The following PSMD14 variants were observed in gnomAD, a reference collection of about 807,000 sequenced individuals.
PSMD14 encodes ubiquitin C-terminal hydrolase PSMD14.
PSMD14 carries 7 observed loss-of-function variants against 41.2 expected under a neutral mutation model. The observed-to-expected ratio is 0.17, with a 90% CI of 0.10 to 0.32. The LOEUF is 0.32. Ranked by LOEUF, PSMD14 falls within the 10% of genes least tolerant of loss-of-function variation. PSMD14 has a pLI of 1.00. For missense variants in PSMD14, 139 were observed against 375.6 expected (o/e 0.37, Z 5.21); for synonymous variants, 114 against 122.3 (o/e 0.93, Z 0.45).
chr2:161,335,355 T>G (rs1162973255), intron 3 of PSMD14, among the ~76,000 whole-genome samples: 1 of 152,236 alleles, frequency 6.6e-6, no homozygotes, highest in African/African-American at 2.4e-5. Context: ...ATGGCAGCCA[T>G]TAGCCACATA....
intron 3 of PSMD14, among the ~76,000 whole-genome samples, chr2:161,366,387 A>AACACACAC (rs36202166): frequency 1.3e-5 from 2 of 148,508 alleles, no homozygotes; most frequent in African/African-American, 4.9e-5. Flanking sequence ...AATAGAATTT[A>AACACACAC]ACACACACAC....
At chr2:161,371,657 A>G (rs1243320036) in intron 7 of PSMD14, among the ~76,000 whole-genome samples, 1 of 152,066 alleles carries the variant, frequency 6.6e-6, no homozygotes, top group East Asian at 1.9e-4. Context: ...CTTTACCTTT[A>G]TTTTCAAATG....
chr2:161,365,167 C>T (rs1025410571), intron 3 of PSMD14, among the ~76,000 whole-genome samples: 8 of 152,282 alleles, frequency 5.3e-5, no homozygotes, highest in African/African-American at 1.7e-4. Flanking sequence ...TCTCTTAGTA[C>T]ATGGCTTTCT....
chr2:161,373,252 AATC>A (rs1683463470), intron 7 of PSMD14, among the ~76,000 whole-genome samples: 1 of 151,848 alleles, frequency 6.6e-6, no homozygotes. Flanking sequence ...AAATTTATGA[AATC>A]ATATGTATCA....
intron 3 of PSMD14, among the ~76,000 whole-genome samples, chr2:161,354,120 C>A (rs7349280): frequency 6.6e-6 from 1 of 151,920 alleles, no homozygotes; most frequent in African/African-American, 2.4e-5. Context: ...TGTTATGAGA[C>A]GTTCAGGTTC....
chr2:161,409,136 C>A (rs1008812900), intron 11 of PSMD14, among the ~76,000 whole-genome samples: 2 of 151,856 alleles, frequency 1.3e-5, no homozygotes, highest in Admixed American at 6.6e-5. Flanking sequence ...TTACTAGGAA[C>A]AAATTAGGAC....
intron 3 of PSMD14, among the ~76,000 whole-genome samples, chr2:161,319,453 A>G (rs925076700): frequency 7.2e-5 from 11 of 152,030 alleles, no homozygotes; most frequent in Admixed American, 6.6e-4. Context: ...TGTTGGGCAA[A>G]TGACCTCTAG....
intron 3 of PSMD14, among the ~76,000 whole-genome samples, chr2:161,335,352 C>T (rs890854607): frequency 1.3e-5 from 2 of 152,192 alleles, no homozygotes; most frequent in East Asian, 3.9e-4. Flanking sequence ...AGTATGGCAG[C>T]CATTAGCCAC....
chr2:161,376,781 CTTT>C (rs1683508805), intron 7 of PSMD14, among the ~76,000 whole-genome samples: 1 of 151,870 alleles, frequency 6.6e-6, no homozygotes, highest in East Asian at 1.9e-4. Context: ...ACTGAGACTT[CTTT>C]GAGGAGAGAT....
At chr2:161,319,846 A>G (rs1689184266) in intron 3 of PSMD14, among the ~76,000 whole-genome samples, 1 of 152,148 alleles carries the variant, frequency 6.6e-6, no homozygotes, top group South Asian at 2.1e-4. Context: ...ATCATGGTTT[A>G]TGACTTTTAT....
At chr2:161,389,397 A>G (rs1338472928) in intron 8 of PSMD14, among the ~76,000 whole-genome samples, 1 of 152,182 alleles carries the variant, frequency 6.6e-6, no homozygotes, top group Non-Finnish European at 1.5e-5. Context: ...CCTAATGTAC[A>G]CGAATATGAG....
At chr2:161,397,902 C>T (rs1327124741) in intron 10 of PSMD14, among the ~76,000 whole-genome samples, 1 of 152,102 alleles carries the variant, frequency 6.6e-6, no homozygotes, top group Non-Finnish European at 1.5e-5. Flanking sequence ...AAATCGCTCA[C>T]CGTATTTTAA....
At chr2:161,366,343 A>G (rs1442720282) in intron 3 of PSMD14, among the ~76,000 whole-genome samples, 1 of 151,940 alleles carries the variant, frequency 6.6e-6, no homozygotes, top group Non-Finnish European at 1.5e-5. Context: ...TAATGCTTCC[A>G]GTAAATATAT....
chr2:161,410,932 A>G (rs1227262603), intron 11 of PSMD14, among the ~76,000 whole-genome samples: 3 of 152,114 alleles, frequency 2.0e-5, no homozygotes, highest in Non-Finnish European at 2.9e-5. Flanking sequence ...GACATTCAAG[A>G]TATATGAACG....
intron 3 of PSMD14, among the ~76,000 whole-genome samples, chr2:161,352,278 TAAATC>T (rs1285386694): frequency 2.0e-5 from 3 of 152,188 alleles, no homozygotes; most frequent in African/African-American, 7.2e-5. Context: ...CCAGAGCAAT[TAAATC>T]AGAGTCTCTG....
At chr2:161,321,173 C>T (rs2105231729) in intron 3 of PSMD14, among the ~76,000 whole-genome samples, 1 of 152,282 alleles carries the variant, frequency 6.6e-6, no homozygotes, top group Admixed American at 6.5e-5. Flanking sequence ...GTTATCTTAC[C>T]ATTTAATGGA....
intron 7 of PSMD14, chr2:161,384,123 T>G (rs1437443482): frequency 2.0e-5 from 3 of 151,706 alleles, no homozygotes; most frequent in Admixed American, 1.3e-4. Context: ...CTGGGGATAC[T>G]TGGCTTTATT....
chr2:161,334,504 G>C (rs1308569976), intron 3 of PSMD14, among the ~76,000 whole-genome samples: 1 of 152,158 alleles, frequency 6.6e-6, no homozygotes. Context: ...GGAAATTGAG[G>C]CATGTAGAAA....
At chr2:161,369,023 A>G (rs1683396699) in intron 5 of PSMD14, among the ~76,000 whole-genome samples, 1 of 151,890 alleles carries the variant, frequency 6.6e-6, no homozygotes, top group African/African-American at 2.4e-5. Flanking sequence ...ATAGAGAAAC[A>G]CTCTACATGT....
Sources: gnomAD v4.1 joint callset for allele counts (sites outside exome capture counted in the v4.1 genomes callset) on GRCh38, gnomAD v4.1.1 for gene constraint, MANE v1.5 for transcripts, NCBI Gene and HGNC (gene_info 2026-07-23, HGNC 2026-07-21) for gene names.